The following ERBB4 variants were observed in gnomAD, a reference collection of about 807,000 sequenced individuals.
ERBB4 encodes the protein erb-b2 receptor tyrosine kinase 4, also known as receptor tyrosine-protein kinase erbB-4.
ERBB4 carries 42 observed loss-of-function variants against 158.0 expected under a neutral mutation model. The observed-to-expected ratio is 0.27, with a 90% CI of 0.21 to 0.34. The LOEUF (loss-of-function observed/expected upper bound fraction) is 0.34. Among genes scored for constraint, ERBB4 ranks in the 10% least tolerant of loss-of-function variants. The pLI is 1.00. For missense variants in ERBB4, 1,333 were observed against 1,624.1 expected, an observed-to-expected ratio of 0.82 and a Z score of 3.08; for synonymous variants, 583 against 558.7, an observed-to-expected ratio of 1.04 and a Z score of -0.61.
chr2:211,889,076 A>G (rs1417767869), intron 3 of ERBB4, among the ~76,000 whole-genome samples: 1 of 141,716 alleles, frequency 7.1e-6, no homozygotes, highest in Non-Finnish European at 1.5e-5. Flanking sequence ...CTGCCTCTGT[A>G]GGCTCCACCT....
intron 3 of ERBB4, among the ~76,000 whole-genome samples, chr2:211,810,609 G>A (rs1227060614): frequency 2.7e-5 from 4 of 149,186 alleles, no homozygotes; most frequent in Admixed American, 6.7e-5. Flanking sequence ...TGGGTCTCCC[G>A]AATACAACAC....
intron 1 of ERBB4, among the ~76,000 whole-genome samples, chr2:212,310,136 T>A (rs1574652166): frequency 6.6e-6 from 1 of 150,908 alleles, no homozygotes; most frequent in South Asian, 2.1e-4. Flanking sequence ...ATAGGGACTA[T>A]TCTATTTTTA....
At chr2:211,800,001 G>A (rs1393299785) in intron 3 of ERBB4, among the ~76,000 whole-genome samples, 1 of 152,038 alleles carries the variant, frequency 6.6e-6, no homozygotes, top group African/African-American at 2.4e-5. Flanking sequence ...GCCCTTTTTG[G>A]AGCACATTAT....
rs144338270 is a variant in ERBB4 at position 211,649,490 on chromosome 2, T to C, written c.1946+8264A>G. 3.3e-4 allele frequency among the ~76,000 whole-genome samples: 50 copies of C among 151,972 alleles called. No individual in the cohort carries two copies. In the East Asian group the frequency reaches 8.7e-3, roughly 26 times the overall value. On this transcript the variant is annotated intron_variant, in intron 16 of 27. Transcript: ENST00000342788. ...TTCTTTCCTGGTGTGTAGAACAATA[T>C]AGCTATTCTCTCTGGGATTTGAACT... is the stretch of plus-strand genomic sequence containing the variant.
intron 2 of ERBB4, among the ~76,000 whole-genome samples, chr2:211,999,146 T>C (rs2076044400): frequency 1.3e-5 from 2 of 151,812 alleles, no homozygotes; most frequent in African/African-American, 4.8e-5. Flanking sequence ...TATAACAGAC[T>C]TTAATAAATA....
chr2:211,685,359 TGCTCTG>T (rs372000785), intron 12 of ERBB4, among the ~76,000 whole-genome samples: 120 of 152,328 alleles, frequency 7.9e-4, no homozygotes, highest in Admixed American at 1.5e-3. Flanking sequence ...GATGTTCATT[TGCTCTG>T]GCACTATTTG....
chr2:212,270,553 T>C (rs2085305289), intron 1 of ERBB4, among the ~76,000 whole-genome samples: 2 of 151,820 alleles, frequency 1.3e-5, no homozygotes, highest in African/African-American at 4.8e-5. Context: ...AATATTTGAA[T>C]CTGGGCTGCA....
intron 19 of ERBB4, among the ~76,000 whole-genome samples, chr2:211,572,467 T>A (rs924471281): frequency 6.6e-6 from 1 of 152,154 alleles, no homozygotes; most frequent in African/African-American, 2.4e-5. Context: ...AAATGGATGA[T>A]GACAACGGGC....
intron 1 of ERBB4, among the ~76,000 whole-genome samples, chr2:212,170,471 T>A (rs984409605): frequency 4.6e-5 from 7 of 152,166 alleles, no homozygotes; most frequent in African/African-American, 9.6e-5. Context: ...TTTGCTTAAA[T>A]AACAAGGAGC....
Position 211,584,560 on chromosome 2 carries a change from T to C in ERBB4, c.2302-22472A>G, listed in dbSNP as rs778174926. 6.7e-4 allele frequency among the ~76,000 whole-genome samples: 102 copies of C among 152,166 alleles called. 1 individual carries two copies. Among genetic ancestry groups the C allele is most frequent in the South Asian group, 1.5e-3 (7 of 4,824 alleles). Reference sequence around the variant, plus strand: ...GTGTGATATATTTTGATTTAGAACATAGATCAAAATATATTTTGAGTACTA... The same window carrying C: ...GTGTGATATATTTTGATTTAGAACACAGATCAAAATATATTTTGAGTACTA... On this transcript the variant is annotated intron_variant, in intron 19 of 27. Coordinates refer to ENST00000342788, the MANE Select transcript of ERBB4 (RefSeq NM_005235.3).
At chr2:211,905,215 C>T (rs984273734) in intron 3 of ERBB4, among the ~76,000 whole-genome samples, 1 of 152,032 alleles carries the variant, frequency 6.6e-6, no homozygotes, top group Non-Finnish European at 1.5e-5. Context: ...TTGCCTTTTG[C>T]AGCTTCTAGA....
At chr2:211,584,464 T>C (rs1459107294) in intron 19 of ERBB4, among the ~76,000 whole-genome samples, 3 of 152,086 alleles carry the variant, frequency 2.0e-5, no homozygotes, top group Non-Finnish European at 4.4e-5. Flanking sequence ...AATCCAGATG[T>C]ATAAGACCCC....
chr2:211,800,808 C>T (rs1455667199), intron 3 of ERBB4, among the ~76,000 whole-genome samples: 1 of 152,034 alleles, frequency 6.6e-6, no homozygotes, highest in South Asian at 2.1e-4. Context: ...GAATTCAGCC[C>T]ACTTAAGGAA....
intron 2 of ERBB4, among the ~76,000 whole-genome samples, chr2:212,004,899 TA>T (rs1372615402): frequency 6.6e-6 from 1 of 152,140 alleles, no homozygotes; most frequent in Admixed American, 6.5e-5. Flanking sequence ...CATGATTAAT[TA>T]TTTCAGTAAG....
chr2:211,686,287 A>AT (rs775277406), intron 12 of ERBB4, among the ~76,000 whole-genome samples: 10 of 151,876 alleles, frequency 6.6e-5, no homozygotes, highest in Non-Finnish European at 1.5e-4. Flanking sequence ...CTGAATTTCT[A>AT]TTTTTTTCTG....
chr2:212,073,168 G>C (rs867385264), intron 2 of ERBB4, among the ~76,000 whole-genome samples: 46 of 152,042 alleles, frequency 3.0e-4, no homozygotes, highest in African/African-American at 1.0e-3. Flanking sequence ...AAGCTAGAAA[G>C]GAAAGCTGGA....
At chr2:211,422,990 T>C (rs995572697) in intron 23 of ERBB4, among the ~76,000 whole-genome samples, 1 of 151,922 alleles carries the variant, frequency 6.6e-6, no homozygotes, top group Non-Finnish European at 1.5e-5. Flanking sequence ...TTTATTCCTA[T>C]TCTGGGAATT....
At chr2:211,810,691 A>T in intron 3 of ERBB4, among the ~76,000 whole-genome samples, 4 of 103,298 alleles carry the variant, frequency 3.9e-5, no homozygotes, top group African/African-American at 7.5e-5. Context: ...TTTGAGACGG[A>T]GTCTCGCTCT....
At chr2:211,796,767 G>T (rs913233301) in intron 3 of ERBB4, among the ~76,000 whole-genome samples, 9 of 151,746 alleles carry the variant, frequency 5.9e-5, no homozygotes, top group East Asian at 1.9e-4. Context: ...TCCAAGAAAG[G>T]TCTTACTATG....
Sources: allele counts gnomAD v4.1 joint callset (sites outside exome capture counted in the v4.1 genomes callset), GRCh38; gene constraint gnomAD v4.1.1; transcripts MANE v1.5; gene names NCBI Gene and HGNC (gene_info 2026-07-23, HGNC 2026-07-21).